CRYBB1: variants seen among roughly 807,000 people sequenced by gnomAD.
CRYBB1 encodes the protein crystallin beta B1, also known as beta-crystallin B1.
In CRYBB1, 16 loss-of-function variants were observed where a neutral mutation model predicts 29.5. That is an observed-to-expected ratio of 0.54 (90% confidence interval 0.37 to 0.82). The LOEUF (loss-of-function observed/expected upper bound fraction) is 0.82, where lower values mean the gene tolerates loss of function less well. Among genes scored for constraint, CRYBB1 ranks in the 40% least tolerant of loss-of-function variants. CRYBB1 has a pLI of 0.00. For synonymous variants in CRYBB1, 127 were observed against 136.7 expected (o/e 0.93, Z 0.49); for missense variants, 300 against 350.5 (o/e 0.86, Z 1.15).
Position 26,599,469 on chromosome 22 carries a change from G to A in CRYBB1, c.*21C>T, listed in dbSNP as rs772585354. On this transcript the variant is annotated 3_prime_UTR_variant, in exon 6 of 6. Transcript: ENST00000647684. ...GAACATGAAGAAGGGTTGGGGCAAG[G>A]TAGCAGAGTGAGGTGTGGACTCACT... 13 of 1,600,586 alleles carry A rather than the reference G, an allele frequency of 8.1e-6. No individual in the cohort carries two copies. In the South Asian group the frequency reaches 1.4e-4, roughly 18 times the overall value.
Position 26,599,386 on chromosome 22 carries a change from A to G in CRYBB1, c.*104T>C, listed in dbSNP as rs1928751424. 1 of 1,132,968 alleles carries G rather than the reference A, an allele frequency of 8.8e-7. No homozygotes were observed. Among genetic ancestry groups the G allele is most frequent in the African/African-American group, 1.5e-5 (1 of 65,124 alleles). The allele number at this position is 1,132,968 out of a possible 1,614,324, so 70.2% of individuals were successfully genotyped here. Reference sequence around the variant, plus strand: ...AAGGCACACATCTGTTTACAGATCCAGGAGAAATTTTGGCTTTAGGGAATT... The same window carrying G: ...AAGGCACACATCTGTTTACAGATCCGGGAGAAATTTTGGCTTTAGGGAATT... On this transcript the variant is annotated 3_prime_UTR_variant, in exon 6 of 6. Transcript: ENST00000647684.
intron 4 of CRYBB1, among the ~76,000 whole-genome samples, chr22:26,603,596 G>A (rs981699974): frequency 1.3e-5 from 2 of 151,446 alleles, no homozygotes. Context: ...CTCAACTCAC[G>A]GTTCAGTCCA....
In CRYBB1 at chr22:26,599,572, A is replaced by T. The variant is rs1173081852; in HGVS notation, c.677T>A (p.Met226Lys). The T allele has an allele frequency of 6.2e-7, 1 of 1,614,204 alleles. No individual in the cohort carries two copies. The change falls in exon 6 of 6, where the codon ATG becomes AAG. Residue 226 changes from methionine to lysine, a missense_variant. By Grantham distance (95) the Met-to-Lys change is moderately conservative. Transcript: ENST00000647684. ...GTCACGCAGGCGACGCAGGGACTGCATCTGTGGCTGGAAGGCTCCCCACTC... is the reference window on the plus strand; with the variant it reads ...GTCACGCAGGCGACGCAGGGACTGCTTCTGTGGCTGGAAGGCTCCCCACTC... ...WNEWGAFQPQMQSLRRLRDKQ... is the reference protein window; with the variant it reads ...WNEWGAFQPQKQSLRRLRDKQ...
Position 26,610,727 on chromosome 22 carries a change from G to T in CRYBB1, c.299+1345C>A, listed in dbSNP as rs1021373613. Among the ~76,000 whole-genome samples the T allele has an allele frequency of 3.9e-5, 6 of 152,090 alleles. No homozygotes were observed. The South Asian group carries it at 6.2e-4, about 16-fold the overall frequency. On this transcript the variant is annotated intron_variant, in intron 3 of 5. Transcript: ENST00000647684. ...TGTTTGGGTGCCCACAAGGTAACAG[G>T]CCCATGCTGTATGATCTCCCTCAGA...
intron 1 of CRYBB1, among the ~76,000 whole-genome samples, chr22:26,617,177 G>A (rs1929384293): frequency 6.6e-6 from 1 of 152,194 alleles, no homozygotes; most frequent in Admixed American, 6.5e-5. Flanking sequence ...GACTGGGGCT[G>A]GGTAGGCTTT....
intron 5 of CRYBB1, among the ~76,000 whole-genome samples, chr22:26,600,315 C>T (rs1369017998): frequency 6.6e-6 from 1 of 151,766 alleles, no homozygotes; most frequent in Admixed American, 6.6e-5. Context: ...AGCAGGAGAA[C>T]GGCGTGAACC....
At position 26,599,514 on chromosome 22, in the gene CRYBB1, G is replaced by A. The variant is rs766636913; in HGVS notation, c.735C>T (p.Val245=). The part of the protein sequence containing the change: ...KQWHLEGSFP[V]LATEPPK ...CTCACTTGGGGGGCTCTGTGGCCAGGACAGGGAAGGACCCCTCGAGGTGCC... is the reference window on the plus strand; with the variant it reads ...CTCACTTGGGGGGCTCTGTGGCCAGAACAGGGAAGGACCCCTCGAGGTGCC... Residue 245 remains valine, a synonymous_variant, in exon 6 of 6, where the codon GTC becomes GTT. Transcript: ENST00000647684. 53 of 1,613,244 alleles carry A rather than the reference G, an allele frequency of 3.3e-5. No homozygotes were observed. In the South Asian group the frequency reaches 5.8e-4, roughly 18 times the overall value.
At chr22:26,607,463 G>A (rs935395436) in intron 4 of CRYBB1, among the ~76,000 whole-genome samples, 6 of 151,726 alleles carry the variant, frequency 4.0e-5, no homozygotes, top group East Asian at 1.9e-4. Context: ...AGGCCCAGGC[G>A]GGAGGATCAC....
chr22:26,609,679 G>A (rs1291554327), intron 3 of CRYBB1, among the ~76,000 whole-genome samples: 3 of 152,210 alleles, frequency 2.0e-5, no homozygotes, highest in African/African-American at 2.4e-5. Context: ...TAAGTAGATG[G>A]ATGATGAATA....
chr22:26,613,012 A>G lies in CRYBB1; in HGVS notation c.181-822T>C, dbSNP rs569192306. ...CTCTCTGCACTCCCTCTCTCCCATT[A>G]CCCAGCCCCTCCAAAGACCAAGGAC... On this transcript the variant is annotated intron_variant, in intron 2 of 5. Transcript: ENST00000647684. Among the ~76,000 whole-genome samples the G allele has an allele frequency of 2.6e-5, 4 of 151,420 alleles. No homozygotes were observed. In the South Asian group the frequency reaches 8.4e-4, roughly 32 times the overall value.
rs749310843 is a variant in CRYBB1, at chr22:26,616,182, A to G, written c.138T>C (p.Ile46=). The G allele has an allele frequency of 6.2e-7, 1 of 1,614,182 alleles. No individual in the cohort carries two copies. Among genetic ancestry groups the G allele is most frequent in the Non-Finnish European group, 8.5e-7 (1 of 1,180,024 alleles). ...GTTLAPTTVP[I]TSAKAAELPP... is the part of the protein sequence containing the mutation. ...GCAGTTCCGCCGCCTTGGCGCTGGT[A>G]ATAGGCACGGTTGTTGGGGCCAGGG... The change falls in exon 2 of 6, where the codon ATT becomes ATC. Residue 46 remains isoleucine (I), a synonymous_variant. Coordinates refer to ENST00000647684, the MANE Select transcript of CRYBB1 (RefSeq NM_001887.4).
chr22:26,617,035 G>C (rs1929378272), intron 1 of CRYBB1, among the ~76,000 whole-genome samples: 1 of 152,260 alleles, frequency 6.6e-6, no homozygotes, highest in Non-Finnish European at 1.5e-5. Flanking sequence ...ATGAATGCAT[G>C]CTCCCAGCTC....
At chr22:26,606,203 G>A (rs1022566128) in intron 4 of CRYBB1, among the ~76,000 whole-genome samples, 3 of 152,136 alleles carry the variant, frequency 2.0e-5, no homozygotes, top group Non-Finnish European at 4.4e-5. Context: ...TAGCAGTGCC[G>A]GAGTTCCAGC....
intron 3 of CRYBB1, among the ~76,000 whole-genome samples, chr22:26,611,192 T>C (rs1372047198): frequency 6.6e-6 from 1 of 152,190 alleles, no homozygotes; most frequent in Admixed American, 6.5e-5. Context: ...CTGTGCCACT[T>C]ACCAATAGGT....
intron 5 of CRYBB1, among the ~76,000 whole-genome samples, chr22:26,600,395 C>G (rs1043387025): frequency 6.6e-6 from 1 of 151,496 alleles, no homozygotes; most frequent in Non-Finnish European, 1.5e-5. Context: ...GAGCGAGACT[C>G]CATCTCAAAA....
intron 3 of CRYBB1, among the ~76,000 whole-genome samples, 166 bp from the exon 4 acceptor site, chr22:26,608,187 C>G (rs1308734294): frequency 2.6e-5 from 4 of 152,230 alleles, no homozygotes; most frequent in African/African-American, 9.6e-5. Context: ...CTGACACTTA[C>G]AGGCTGTGTG....
chr22:26,602,018 C>T lies in CRYBB1; in HGVS notation c.436G>A (p.Ala146Thr), dbSNP rs1236684341. 3.7e-6 allele frequency: 6 copies of T among 1,613,564 alleles called. No individual in the cohort carries two copies. The highest frequency in any genetic ancestry group is 5.1e-6 in the Non-Finnish European group (6 of 1,179,894). The change falls in exon 5 of 6, where the codon GCC becomes ACC. Residue 146 changes from alanine to threonine, a missense_variant. Ala to Thr is a moderately conservative substitution (Grantham distance 58). Coordinates refer to ENST00000647684, the MANE Select transcript of CRYBB1 (RefSeq NM_001887.4). ...AACAGGGAGATTTTGTGCTCCTGGG[C>T]ATCCTGGGGAAAGAGAGGCCGGGTC... ...LMSFRPIKMD[A>T]QEHKISLFEG... is the part of the protein sequence containing the mutation.
At position 26,607,992 on chromosome 22, in the gene CRYBB1, C is replaced by T. The variant is rs533532537; in HGVS notation, c.329G>A (p.Arg110His). The T allele has an allele frequency of 1.9e-5, 31 of 1,614,202 alleles. No homozygotes were observed. Among genetic ancestry groups the T allele is most frequent in the South Asian group, 5.5e-5 (5 of 91,088 alleles). Residue 110 changes from arginine to histidine, a missense_variant, in exon 4 of 6, where the codon CGC becomes CAC. Transcript: ENST00000647684. ...PWVAFEQSNF[R>H]GEMFILEKGE... ...CTTCTCCAGGATGAACATCTCCCCG[C>T]GGAAGTTGGACTGCTCAAAGGCGAC...
chr22:26,608,088 T>C, intron 3 of CRYBB1, 67 bp from the exon 4 acceptor site: 1 of 1,612,182 alleles, frequency 6.2e-7, no homozygotes, highest in Non-Finnish European at 8.5e-7. Context: ...CACTCCCTAC[T>C]TGCCTTTCTC....
Sources: gnomAD v4.1 joint callset for allele counts (sites outside exome capture counted in the v4.1 genomes callset) on GRCh38, gnomAD v4.1.1 for gene constraint, MANE v1.5 for transcripts, NCBI Gene and HGNC (gene_info 2026-07-23, HGNC 2026-07-21) for gene names.